SCARA5: variants seen among roughly 807,000 people sequenced by gnomAD.
SCARA5 encodes the protein scavenger receptor class A member 5.
A neutral mutation model predicts 46.3 loss-of-function variants in SCARA5; 45 were observed. The observed-to-expected ratio is 0.97, with a 90% CI of 0.76 to 1.24. The LOEUF (loss-of-function observed/expected upper bound fraction) is 1.24, where lower values mean the gene tolerates loss of function less well. Ranked by LOEUF, SCARA5 falls within the 50% of genes most tolerant of loss-of-function variation. SCARA5 has a pLI of 0.00. For synonymous variants in SCARA5, 333 were observed against 306.5 expected (o/e 1.09, Z -0.90); for missense variants, 680 against 689.0 (o/e 0.99, Z 0.15).
At chr8:27,941,950 C>G (rs2129873529) in intron 3 of SCARA5, among the ~76,000 whole-genome samples, 1 of 152,008 alleles carries the variant, frequency 6.6e-6, no homozygotes, top group South Asian at 2.1e-4. Flanking sequence ...CCTCAGCCTC[C>G]TGAGTAGCTG....
rs559357089 is a variant in SCARA5 at position 27,933,368 on chromosome 8, A to C, written c.242-11123T>G. 1.9e-3 allele frequency among the ~76,000 whole-genome samples: 296 copies of C among 152,122 alleles called. 1 individual carries two copies. The highest frequency in any genetic ancestry group is 6.8e-3 in the African/African-American group (281 of 41,500). On this transcript the variant is annotated intron_variant, in intron 3 of 8. Transcript: ENST00000354914. ...GAAGCCCCGCCTCTACAAAAAATAC[A>C]AAAGTTAGCCAGCTGTGGTGGCGCA...
intron 2 of SCARA5, among the ~76,000 whole-genome samples, chr8:27,984,449 C>T (rs763875536): frequency 6.6e-6 from 1 of 152,170 alleles, no homozygotes; most frequent in Admixed American, 6.5e-5. Context: ...ATTTAGACTT[C>T]GAGGACCCCT....
chr8:27,965,724 G>A (rs1563540412), intron 3 of SCARA5, among the ~76,000 whole-genome samples: 1 of 152,234 alleles, frequency 6.6e-6, no homozygotes, highest in Non-Finnish European at 1.5e-5. Flanking sequence ...TGGGAACTGA[G>A]CAGCCCTTCC....
intron 4 of SCARA5, among the ~76,000 whole-genome samples, chr8:27,910,870 G>A (rs1199431982): frequency 6.6e-6 from 1 of 152,164 alleles, no homozygotes; most frequent in Non-Finnish European, 1.5e-5. Flanking sequence ...CCATGTGGCA[G>A]GGATTCTGTC....
intron 7 of SCARA5, chr8:27,904,316 G>T (rs1006446761): frequency 5.3e-6 from 1 of 187,738 alleles, no homozygotes; most frequent in East Asian, 1.3e-4. Flanking sequence ...ATTTTAGGAA[G>T]CGTGTCTGAG....
intron 1 of SCARA5, among the ~76,000 whole-genome samples, chr8:27,990,450 T>A (rs111274354): frequency 9.2e-5 from 14 of 152,202 alleles, no homozygotes; most frequent in African/African-American, 2.6e-4. Context: ...TGATGGCAAG[T>A]GCTCCTCCCA....
chr8:27,881,447 G>A (rs1806811129), intron 7 of SCARA5, among the ~76,000 whole-genome samples: 1 of 144,320 alleles, frequency 6.9e-6, no homozygotes, highest in African/African-American at 2.6e-5. Context: ...AATTAATGCA[G>A]GAACAGAACA....
intron 3 of SCARA5, among the ~76,000 whole-genome samples, chr8:27,936,557 C>G (rs1022932392): frequency 3.3e-5 from 4 of 122,098 alleles, no homozygotes; most frequent in Non-Finnish European, 4.8e-5. Flanking sequence ...CCACTGCACT[C>G]CAGCCTGGGT....
At chr8:27,879,536 C>T in intron 8 of SCARA5, 33 bp downstream of exon 8, 1 of 1,594,148 alleles carries the variant, frequency 6.3e-7, no homozygotes, top group South Asian at 1.1e-5. Context: ...TGCAGGCCCT[C>T]TCCTCATGTT....
chr8:27,890,686 A>AG (rs1162328803), intron 7 of SCARA5, among the ~76,000 whole-genome samples: 3 of 151,718 alleles, frequency 2.0e-5, no homozygotes, highest in Non-Finnish European at 2.9e-5. Flanking sequence ...TCAGGGTGGG[A>AG]GGGGTGGGAA....
chr8:27,974,891 T>C (rs186939294), intron 2 of SCARA5, among the ~76,000 whole-genome samples: 1 of 146,746 alleles, frequency 6.8e-6, no homozygotes, highest in East Asian at 2.0e-4. Flanking sequence ...TTGTGAAGTC[T>C]ATATCATCCT....
In SCARA5 at chr8:27,902,287, T is replaced by C. The variant is rs116883128; in HGVS notation, c.1153+2491A>G. Among the ~76,000 whole-genome samples, 199 of 152,164 alleles carry C rather than the reference T, an allele frequency of 1.3e-3. 7 individuals carry two copies. In the East Asian group the frequency reaches 0.034, roughly 26 times the overall value. On this transcript the variant is annotated intron_variant, in intron 7 of 8. Coordinates refer to ENST00000354914, the MANE Select transcript of SCARA5 (RefSeq NM_173833.6). ...ACCTCTTGCTGTACAGTCAAGAGGC[T>C]CCAGGGCCAAGTGGAGGGGGTGGCC...
chr8:27,921,809 C>A lies in SCARA5; in HGVS notation c.678G>T (p.Val226=), dbSNP rs1008763078. 3 of 1,553,092 alleles carry A rather than the reference C, an allele frequency of 1.9e-6. No homozygotes were observed. Among genetic ancestry groups the A allele is most frequent in the Non-Finnish European group, 2.6e-6 (3 of 1,154,860 alleles). Residue 226 remains valine (V), a synonymous_variant, in exon 4 of 9, where the codon GTG becomes GTT. Transcript: ENST00000354914. ...LGEELADVGG[V]LRGLNHSLSY... is the part of the protein sequence containing the mutation. Reference sequence around the variant, plus strand: ...ACAGGCTGTGGTTGAGGCCGCGCAGCACGCCGCCCACGTCGGCCAGCTCCT... The same window carrying A: ...ACAGGCTGTGGTTGAGGCCGCGCAGAACGCCGCCCACGTCGGCCAGCTCCT...
At chr8:27,879,278 G>T (rs1806771226) in intron 8 of SCARA5, among the ~76,000 whole-genome samples, 1 of 152,114 alleles carries the variant, frequency 6.6e-6, no homozygotes. Context: ...GGGAGAGAGA[G>T]ACCACAGCAG....
chr8:27,876,014 A>G (rs1279891301), intron 8 of SCARA5, among the ~76,000 whole-genome samples: 1 of 152,110 alleles, frequency 6.6e-6, no homozygotes, highest in Non-Finnish European at 1.5e-5. Flanking sequence ...AGAGAAAAAA[A>G]GAAAGATCCC....
At chr8:27,882,441 T>G (rs1434225267) in intron 7 of SCARA5, among the ~76,000 whole-genome samples, 1 of 152,156 alleles carries the variant, frequency 6.6e-6, no homozygotes, top group African/African-American at 2.4e-5. Flanking sequence ...CTCTCCACTG[T>G]TTGAGACCCG....
chr8:27,988,155 T>C (rs1808732790), intron 1 of SCARA5, among the ~76,000 whole-genome samples: 1 of 152,212 alleles, frequency 6.6e-6, no homozygotes, highest in South Asian at 2.1e-4. Flanking sequence ...AGACCAGGAC[T>C]GCTCCCAAAT....
At chr8:27,893,173 G>A (rs1807013833) in intron 7 of SCARA5, among the ~76,000 whole-genome samples, 2 of 152,164 alleles carry the variant, frequency 1.3e-5, no homozygotes, top group Admixed American at 1.3e-4. Flanking sequence ...AATTGAATGA[G>A]TCTCCTCCTA....
intron 4 of SCARA5, among the ~76,000 whole-genome samples, chr8:27,912,781 CT>C (rs1238363653): frequency 6.6e-6 from 1 of 152,242 alleles, no homozygotes; most frequent in Non-Finnish European, 1.5e-5. Flanking sequence ...GCAGGGGGGT[CT>C]TCCCAGGAGT....
Sources: gnomAD v4.1 joint callset for allele counts (sites outside exome capture counted in the v4.1 genomes callset) on GRCh38, gnomAD v4.1.1 for gene constraint, MANE v1.5 for transcripts, NCBI Gene and HGNC (gene_info 2026-07-23, HGNC 2026-07-21) for gene names.